The following ZCCHC14 variants were observed in gnomAD, a reference collection of about 807,000 sequenced individuals.
ZCCHC14 encodes zinc finger CCHC-type containing 14, also known as zinc finger CCHC domain-containing protein 14.
A neutral mutation model predicts 85.0 loss-of-function variants in ZCCHC14; 16 were observed. The ratio of observed to expected loss-of-function variants is 0.19; its 90% CI spans 0.13 to 0.29. The LOEUF is 0.29. Among genes scored for constraint, ZCCHC14 ranks in the 10% least tolerant of loss-of-function variants. ZCCHC14 has a pLI of 1.00. For missense variants in ZCCHC14, 1,303 were observed against 1,443.5 expected, an observed-to-expected ratio of 0.90 and a Z score of 1.58; for synonymous variants, 775 against 630.7, an observed-to-expected ratio of 1.23 and a Z score of -3.43.
intron 1 of ZCCHC14, among the ~76,000 whole-genome samples, chr16:87,488,658 G>T (rs546705396): frequency 5.9e-5 from 9 of 152,256 alleles, no homozygotes; most frequent in Admixed American, 5.2e-4. Flanking sequence ...CTCACCTACA[G>T]CCTCTACCTC....
chr16:87,452,899 GGGA>G (rs1567530097), intron 2 of ZCCHC14, among the ~76,000 whole-genome samples: 2 of 152,230 alleles, frequency 1.3e-5, no homozygotes, highest in African/African-American at 4.8e-5. Context: ...TGACGTGACA[GGGA>G]GGAGGGCTCA....
intron 8 of ZCCHC14, among the ~76,000 whole-genome samples, chr16:87,415,983 G>C (rs1908762892): frequency 1.3e-5 from 2 of 152,126 alleles, no homozygotes; most frequent in South Asian, 4.2e-4. Context: ...CTGGAGTGCA[G>C]TGGTGCGATC....
chr16:87,472,777 C>T (rs1049855410), intron 1 of ZCCHC14: 2 of 152,312 alleles, frequency 1.3e-5, no homozygotes, highest in Non-Finnish European at 2.9e-5. Flanking sequence ...CGCTCTGTTG[C>T]CCAGGCTGGA....
chr16:87,440,747 C>T (rs1910143237), intron 2 of ZCCHC14, among the ~76,000 whole-genome samples: 1 of 152,122 alleles, frequency 6.6e-6, no homozygotes, highest in South Asian at 2.1e-4. Flanking sequence ...GCTGGCTCTA[C>T]AGGCATGCAT....
intron 2 of ZCCHC14, among the ~76,000 whole-genome samples, chr16:87,453,447 C>G (rs759425918): frequency 2.6e-5 from 4 of 152,224 alleles, no homozygotes; most frequent in Non-Finnish European, 4.4e-5. Context: ...CCTGTCAGTT[C>G]CCCCGTCAGT....
intron 1 of ZCCHC14, chr16:87,467,521 A>AAC: frequency 6.2e-7 from 1 of 1,604,770 alleles, no homozygotes; most frequent in Non-Finnish European, 8.5e-7. Context: ...TCCCTTTCTC[A>AAC]ACAGTAGGAT....
In ZCCHC14 at chr16:87,411,878, T is replaced by G. The variant is rs1387614657; in HGVS notation, c.2843A>C (p.Gln948Pro). The change falls in exon 12 of 13, where the codon CAG becomes CCG. Residue 948 changes from glutamine to proline, a missense_variant. Physicochemically the swap from Gln to Pro is moderately conservative, Grantham distance 76 (BLOSUM62 -1). Around this residue, in one of 7 missense-constraint regions of ZCCHC14, gnomAD observed 797 missense variants for 730.8 expected, o/e 1.09. Transcript: ENST00000671377. ...CACGGACGGACCGGAGAACGGGTGC[T>G]GGAAGTAGTTGGCGTAGCTGACAGT... ...GLTVSYANYF[Q>P]HPFSGPSVFT... is the part of the protein sequence containing the mutation. 1 of 1,600,560 alleles carries G rather than the reference T, an allele frequency of 6.2e-7. No homozygotes were observed. Among genetic ancestry groups the G allele is most frequent in the South Asian group, 1.1e-5 (1 of 89,652 alleles).
intron 2 of ZCCHC14, among the ~76,000 whole-genome samples, chr16:87,443,073 G>A (rs933067189): frequency 2.0e-5 from 3 of 152,220 alleles, no homozygotes; most frequent in African/African-American, 7.2e-5. Flanking sequence ...AAATATCTGG[G>A]TAATATAAAA....
chr16:87,470,276 G>C (rs926714100), intron 1 of ZCCHC14: 8 of 152,030 alleles, frequency 5.3e-5, no homozygotes, highest in Admixed American at 4.6e-4. Flanking sequence ...GCTGCAATGA[G>C]CTATGATTGC....
chr16:87,467,272 T>A, intron 1 of ZCCHC14: 1 of 1,577,786 alleles, frequency 6.3e-7, no homozygotes, highest in South Asian at 1.1e-5. Flanking sequence ...AAATTAAGGA[T>A]AATGGAGATC....
At position 87,406,360 on chromosome 16, in the gene ZCCHC14, AC is replaced by A. The variant is rs1443611169; in HGVS notation, c.*3919del. 6.6e-6 allele frequency: 1 copy of A among 152,664 alleles called. No homozygotes were observed. The highest frequency in any genetic ancestry group is 1.5e-5 in the Non-Finnish European group (1 of 68,040). 9.5% of individuals were successfully genotyped at this position (152,664 alleles called of 1,614,324 possible). The stretch of plus-strand genomic sequence containing the variant: ...ATAATAAAACATAAAAACCCCAAAA[AC>A]AGAATACTTGACATTTACAATTCAA... On this transcript the variant is annotated 3_prime_UTR_variant, in exon 13 of 13. Coordinates refer to ENST00000671377, the MANE Select transcript of ZCCHC14 (RefSeq NM_015144.3).
At position 87,418,727 on chromosome 16, in the gene ZCCHC14, A is replaced by G. The variant is rs992952817; in HGVS notation, c.1100+120T>C. 154 of 1,035,936 alleles carry G rather than the reference A, an allele frequency of 1.5e-4. 2 individuals carry two copies. Among genetic ancestry groups the G allele is most frequent in the South Asian group, 9.2e-4 (67 of 72,790 alleles). The allele number at this position is 1,035,936 out of a possible 1,614,324, so 64.2% of individuals were successfully genotyped here. ...AATCATCTCTACTCAATTCTTCTCAATATCATCCAAGACTCAACTTGAGCA... is the reference window on the plus strand; with the variant it reads ...AATCATCTCTACTCAATTCTTCTCAGTATCATCCAAGACTCAACTTGAGCA... On this transcript the variant is annotated intron_variant, in intron 7 of 12. Coordinates refer to ENST00000671377, the MANE Select transcript of ZCCHC14 (RefSeq NM_015144.3).
intron 1 of ZCCHC14, among the ~76,000 whole-genome samples, chr16:87,483,882 A>T (rs548478464): frequency 6.6e-6 from 1 of 152,342 alleles, no homozygotes; most frequent in Admixed American, 6.5e-5. Flanking sequence ...CATGTAGGTG[A>T]TATGTATATA....
rs975742027 is a variant in ZCCHC14, at chr16:87,424,354, C to T, written c.769-473G>A. On this transcript the variant is annotated intron_variant, in intron 3 of 12. Coordinates refer to ENST00000671377, the MANE Select transcript of ZCCHC14 (RefSeq NM_015144.3). ...GTGAGCCCAGGCCCTGCTCTCAGGA[C>T]ACTGCAGAGCTGTGGGGACAGTGTG... Among the ~76,000 whole-genome samples the T allele has an allele frequency of 9.2e-5, 14 of 152,320 alleles. No individual in the cohort carries two copies. In the South Asian group the frequency reaches 2.9e-3, roughly 32 times the overall value.
In ZCCHC14 at chr16:87,417,346, C is replaced by A; in HGVS notation, c.1383+114G>T. On this transcript the variant is annotated intron_variant, in intron 8 of 12. Transcript: ENST00000671377. ...GTCTCCCTTAAGAACAGGCGCTGCG[C>A]CTCGGCCTCCGTACTTCATCCACCT... 10 of 1,467,578 alleles carry A rather than the reference C, an allele frequency of 6.8e-6. No homozygotes were observed. In the South Asian group the frequency reaches 1.3e-4, roughly 19 times the overall value. 90.9% of individuals were successfully genotyped at this position (1,467,578 alleles called of 1,614,324 possible). A position where few individuals can be genotyped will look rare whatever the true frequency, so the allele number is the denominator to read the frequency against.
chr16:87,455,376 A>C (rs1461416681), intron 2 of ZCCHC14, among the ~76,000 whole-genome samples: 1 of 152,104 alleles, frequency 6.6e-6, no homozygotes, highest in South Asian at 2.1e-4. Flanking sequence ...CCAATGAACA[A>C]CACAGTGACA....
At chr16:87,476,756 G>C (rs1213477317) in intron 1 of ZCCHC14, among the ~76,000 whole-genome samples, 2 of 147,840 alleles carry the variant, frequency 1.4e-5, no homozygotes, top group Non-Finnish European at 3.0e-5. Context: ...GGAGAAGGTG[G>C]AAAATGGCGG....
At chr16:87,451,583 T>C (rs1910705141) in intron 2 of ZCCHC14, among the ~76,000 whole-genome samples, 2 of 152,252 alleles carry the variant, frequency 1.3e-5, no homozygotes, top group South Asian at 2.1e-4. Flanking sequence ...AAGGTAAACA[T>C]TCTGCTCGGC....
At chr16:87,461,529 C>A (rs1406633626) in intron 1 of ZCCHC14, among the ~76,000 whole-genome samples, 1 of 152,200 alleles carries the variant, frequency 6.6e-6, no homozygotes, top group East Asian at 1.9e-4. Context: ...TGGAAAATGG[C>A]CTGACCTCTC....
Sources: gnomAD v4.1 joint callset for allele counts (sites outside exome capture counted in the v4.1 genomes callset) on GRCh38, gnomAD v4.1.1 for gene constraint, gnomAD v4.1.1 regional missense constraint, MANE v1.5 for transcripts, NCBI Gene and HGNC (gene_info 2026-07-23, HGNC 2026-07-21) for gene names.